The following SORBS2 variants were observed in gnomAD, a reference collection of about 807,000 sequenced individuals.
SORBS2 encodes sorbin and SH3 domain-containing protein 2.
Under a neutral mutation model 97.7 loss-of-function variants are expected in SORBS2, and 46 were observed. The observed-to-expected ratio is 0.47, with a 90% CI of 0.37 to 0.60. The LOEUF is 0.60. Ranked by LOEUF, SORBS2 falls within the 20% of genes least tolerant of loss-of-function variation. The pLI, the probability that SORBS2 is intolerant of heterozygous loss-of-function variation, is 0.00. For synonymous variants in SORBS2, 476 were observed against 473.4 expected (o/e 1.01, Z -0.07); for missense variants, 1,316 against 1,282.3 (o/e 1.03, Z -0.40).
At chr4:185,933,307 G>A (rs1050634856) in intron 1 of SORBS2, 9 of 152,186 alleles carry the variant, frequency 5.9e-5, no homozygotes, top group African/African-American at 2.2e-4. Flanking sequence ...ATCGTGAACT[G>A]TGGTATTTTG....
At chr4:185,879,519 C>T (rs2099235810) in intron 1 of SORBS2, among the ~76,000 whole-genome samples, 2 of 152,256 alleles carry the variant, frequency 1.3e-5, no homozygotes, top group Non-Finnish European at 2.9e-5. Context: ...ATTTATAGTC[C>T]TTTGAGTATA....
At chr4:185,952,374 A>G (rs4861690) in intron 1 of SORBS2, among the ~76,000 whole-genome samples, 26,440 of 152,182 alleles carry the variant, frequency 0.17, 2,591 homozygotes, top group Middle Eastern at 0.24. Flanking sequence ...TTTGCATTTC[A>G]GTGGGATTAA....
intron 1 of SORBS2, among the ~76,000 whole-genome samples, chr4:185,941,318 T>C (rs1474717516): frequency 1.3e-5 from 2 of 152,204 alleles, no homozygotes; most frequent in African/African-American, 4.8e-5. Context: ...TGAATGTAGA[T>C]GGTCTGGCTC....
chr4:185,869,638 T>C lies in SORBS2; in HGVS notation c.-338+86558A>G, dbSNP rs142625741. On this transcript the variant is annotated intron_variant, in intron 1 of 20. Transcript: ENST00000284776. ...CTGAAACAGATGCTGGAAAATGTAG[T>C]TGTCACTTGTGCATGTTGTCATTTC... Among the ~76,000 whole-genome samples the C allele has an allele frequency of 6.8e-3, 1,039 of 152,336 alleles. 9 individuals carry two copies. The highest frequency in any genetic ancestry group is 9.3e-3 in the South Asian group (45 of 4,830).
At chr4:185,877,721 A>T (rs944145074) in intron 1 of SORBS2, among the ~76,000 whole-genome samples, 4 of 151,870 alleles carry the variant, frequency 2.6e-5, no homozygotes, top group African/African-American at 7.3e-5. Flanking sequence ...AATACAAAAA[A>T]TTAACCAGCG....
chr4:185,783,589 T>C (rs2099041558), intron 1 of SORBS2, among the ~76,000 whole-genome samples: 1 of 152,166 alleles, frequency 6.6e-6, no homozygotes, highest in Non-Finnish European at 1.5e-5. Flanking sequence ...AGAGACACGT[T>C]AAGAGATCAG....
At chr4:185,831,023 A>G (rs560040256) in intron 1 of SORBS2, among the ~76,000 whole-genome samples, 1 of 152,232 alleles carries the variant, frequency 6.6e-6, no homozygotes, top group African/African-American at 2.4e-5. Context: ...CGCTATTCTA[A>G]TTCCTCCATT....
chr4:185,926,988 A>G (rs2149948080), intron 1 of SORBS2, among the ~76,000 whole-genome samples: 1 of 151,988 alleles, frequency 6.6e-6, no homozygotes, highest in South Asian at 2.1e-4. Context: ...ACGGTTCTTT[A>G]CTTTCCTCCT....
intron 3 of SORBS2, among the ~76,000 whole-genome samples, chr4:185,649,178 T>C (rs940478256): frequency 2.6e-5 from 4 of 152,184 alleles, no homozygotes; most frequent in Non-Finnish European, 5.9e-5. Flanking sequence ...GAAGTACATG[T>C]CCATTATTTC....
intron 3 of SORBS2, 124 bp downstream of exon 6, chr4:185,678,672 T>G: frequency 8.3e-7 from 1 of 1,205,144 alleles, no homozygotes; most frequent in Non-Finnish European, 1.1e-6. Flanking sequence ...TACTAGAGGT[T>G]TAATTTAATA....
At chr4:185,817,182 G>T (rs551801474) in intron 1 of SORBS2, among the ~76,000 whole-genome samples, 1 of 151,808 alleles carries the variant, frequency 6.6e-6, no homozygotes, top group African/African-American at 2.4e-5. Flanking sequence ...GTACCAGGTG[G>T]GGAAAAAATA....
At chr4:185,952,478 G>A (rs1442198453) in intron 1 of SORBS2, among the ~76,000 whole-genome samples, 2 of 152,186 alleles carry the variant, frequency 1.3e-5, no homozygotes, top group African/African-American at 4.8e-5. Flanking sequence ...TGAGTATTTG[G>A]TCCTTGAGTA....
At chr4:185,815,582 T>C (rs2099192787) in intron 1 of SORBS2, among the ~76,000 whole-genome samples, 1 of 152,112 alleles carries the variant, frequency 6.6e-6, no homozygotes, top group African/African-American at 2.4e-5. Flanking sequence ...AGAAGGATTT[T>C]CAAACAAATA....
At chr4:185,645,911 C>T (rs1486495816) in intron 4 of SORBS2, 1 of 152,130 alleles carries the variant, frequency 6.6e-6, no homozygotes, top group Non-Finnish European at 1.5e-5. Flanking sequence ...AAGGGAAGAC[C>T]TATGTGTGAA....
At chr4:185,674,332 A>C (rs1284850936) in intron 4 of SORBS2, among the ~76,000 whole-genome samples, 1 of 152,168 alleles carries the variant, frequency 6.6e-6, no homozygotes. Context: ...TCCCACATGC[A>C]ATCTGCCAGG....
chr4:185,612,533 G>A (rs1164324220), intron 11 of SORBS2, among the ~76,000 whole-genome samples: 3 of 146,302 alleles, frequency 2.1e-5, no homozygotes, highest in Admixed American at 7.0e-5. Flanking sequence ...TCTGTCACCC[G>A]GGCTGGAGTG....
At chr4:185,924,354 T>C (rs1025730927) in intron 1 of SORBS2, among the ~76,000 whole-genome samples, 1 of 152,030 alleles carries the variant, frequency 6.6e-6, no homozygotes, top group Non-Finnish European at 1.5e-5. Context: ...CACTTCGTTA[T>C]AGGAGTTAAT....
chr4:185,861,804 G>C (rs539428270), intron 1 of SORBS2, among the ~76,000 whole-genome samples: 28 of 152,022 alleles, frequency 1.8e-4, no homozygotes, highest in Admixed American at 3.3e-4. Context: ...TGGGGTTTTT[G>C]GCCAGGCTGG....
chr4:185,839,579 A>C (rs2099210263), intron 1 of SORBS2, among the ~76,000 whole-genome samples: 3 of 152,174 alleles, frequency 2.0e-5, no homozygotes, highest in Admixed American at 2.0e-4. Context: ...GGGAGAGCTT[A>C]AGAGAGGAAT....
Sources: allele counts gnomAD v4.1 joint callset (sites outside exome capture counted in the v4.1 genomes callset), GRCh38; gene constraint gnomAD v4.1.1; transcripts MANE v1.5; gene names NCBI Gene and HGNC (gene_info 2026-07-23, HGNC 2026-07-21).